FOLH1: variants seen among roughly 807,000 people sequenced by gnomAD.
FOLH1 encodes the protein glutamate carboxypeptidase 2.
In FOLH1, 54 loss-of-function variants were observed where a neutral mutation model predicts 93.9. The observed-to-expected ratio is 0.57, with a 90% CI of 0.46 to 0.72. The LOEUF (loss-of-function observed/expected upper bound fraction) is 0.72, where lower values mean the gene tolerates loss of function less well. Ranked by LOEUF, FOLH1 falls within the 30% of genes least tolerant of loss-of-function variation. FOLH1 has a pLI of 0.00. For missense variants in FOLH1, 571 were observed against 892.5 expected, an observed-to-expected ratio of 0.64 and a Z score of 4.59; for synonymous variants, 249 against 303.6, an observed-to-expected ratio of 0.82 and a Z score of 1.87.
chr11:49,155,193 A>G (rs983824264), intron 15 of FOLH1, among the ~76,000 whole-genome samples: 2 of 152,182 alleles, frequency 1.3e-5, no homozygotes, highest in Non-Finnish European at 2.9e-5. Flanking sequence ...GGATTCTGGA[A>G]TTACCCTGCC....
At chr11:49,160,162 G>C (rs1221764474) in intron 13 of FOLH1, among the ~76,000 whole-genome samples, 1 of 152,148 alleles carries the variant, frequency 6.6e-6, no homozygotes, top group East Asian at 1.9e-4. Flanking sequence ...TGTGGGGTCA[G>C]TGAGAATATT....
chr11:49,160,469 G>A (rs1409495818), intron 13 of FOLH1, among the ~76,000 whole-genome samples: 1 of 151,664 alleles, frequency 6.6e-6, no homozygotes, highest in African/African-American at 2.4e-5. Context: ...TTGAGACGGA[G>A]TCTCTCTCTG....
At chr11:49,158,730 C>T (rs1590446743) in intron 13 of FOLH1, among the ~76,000 whole-genome samples, 2 of 152,060 alleles carry the variant, frequency 1.3e-5, no homozygotes, top group Non-Finnish European at 1.5e-5. Flanking sequence ...GCAATATGGC[C>T]GTTTTAATGA....
intron 13 of FOLH1, among the ~76,000 whole-genome samples, chr11:49,159,917 T>C (rs1346281345): frequency 6.7e-6 from 1 of 150,352 alleles, no homozygotes; most frequent in Non-Finnish European, 1.5e-5. Context: ...TTTTTTTTTT[T>C]CTGTTTTTGT....
intron 11 of FOLH1, 39 bp downstream of exon 11, chr11:49,171,156 T>C: frequency 6.4e-7 from 1 of 1,551,220 alleles, no homozygotes; most frequent in Non-Finnish European, 8.7e-7. Flanking sequence ...GGCTACTTTA[T>C]TTTATAAAAA....
chr11:49,172,057 T>G (rs1378013094), intron 10 of FOLH1, among the ~76,000 whole-genome samples: 1 of 152,168 alleles, frequency 6.6e-6, no homozygotes, highest in Non-Finnish European at 1.5e-5. Context: ...CGAGTAGTCA[T>G]CATCTTAGTA....
At chr11:49,206,388 T>C in intron 1 of FOLH1, 1 of 865,336 alleles carries the variant, frequency 1.2e-6, no homozygotes, top group Non-Finnish European at 1.8e-6. Context: ...GCAAAATATT[T>C]CTTATCCAAC....
intron 3 of FOLH1, among the ~76,000 whole-genome samples, chr11:49,196,906 A>G (rs181801783): frequency 6.6e-6 from 1 of 152,290 alleles, no homozygotes; most frequent in East Asian, 1.9e-4. Flanking sequence ...TACAAATGGG[A>G]GGGATTTGGA....
rs552444325 is a variant in FOLH1, at chr11:49,155,176, G to C, written c.1624-684C>G. On this transcript the variant is annotated intron_variant, in intron 15 of 18. Coordinates refer to ENST00000256999, the MANE Select transcript of FOLH1 (RefSeq NM_004476.3). ...ACATTTTATGTACTGATGTGTTGAAGAGACTGGGATTCTGGAATTACCCTG... is the reference window on the plus strand; with the variant it reads ...ACATTTTATGTACTGATGTGTTGAACAGACTGGGATTCTGGAATTACCCTG... Among the ~76,000 whole-genome samples the C allele has an allele frequency of 3.3e-5, 5 of 152,250 alleles. No homozygotes were observed. In the East Asian group the frequency reaches 9.6e-4, roughly 29 times the overall value.
In FOLH1 at chr11:49,145,230, G is replaced by A. The variant is rs925264023; in HGVS notation, c.*1526C>T. On this transcript the variant is annotated 3_prime_UTR_variant, in exon 19 of 19. Coordinates refer to ENST00000256999, the MANE Select transcript of FOLH1 (RefSeq NM_004476.3). ...TTCTTCTTTGTCACGTGTTAATGAT[G>A]TTAAACTTTGTGAGTAGAAGGCATT... 2.0e-5 allele frequency among the ~76,000 whole-genome samples: 3 copies of A among 152,144 alleles called. No homozygotes were observed. Among genetic ancestry groups the A allele is most frequent in the African/African-American group, 4.8e-5 (2 of 41,434 alleles).
At chr11:49,154,109 C>T (rs913730128) in intron 16 of FOLH1, 119 bp downstream of exon 16, 5 of 1,452,170 alleles carry the variant, frequency 3.4e-6, no homozygotes, top group South Asian at 1.4e-5. Context: ...TAGACATAAA[C>T]AGAATATTGG....
At chr11:49,165,719 A>G (rs553720606) in intron 12 of FOLH1, among the ~76,000 whole-genome samples, 3 of 152,376 alleles carry the variant, frequency 2.0e-5, no homozygotes, top group East Asian at 1.9e-4. Context: ...ACTAGCTTTT[A>G]TCCCAAAGCC....
intron 4 of FOLH1, among the ~76,000 whole-genome samples, chr11:49,187,802 C>CA (rs1474769870): frequency 6.6e-6 from 1 of 152,234 alleles, no homozygotes; most frequent in Non-Finnish European, 1.5e-5. Context: ...CAGCTGTAGA[C>CA]AGCCCCCTTG....
rs546464791 is a variant in FOLH1, at chr11:49,154,552, C to A, written c.1624-60G>T. 12 of 1,556,958 alleles carry A rather than the reference C, an allele frequency of 7.7e-6. 1 individual carries two copies. The East Asian group carries it at 2.8e-4, about 36-fold the overall frequency. ...GATAGCTTACAAAAAATGATTAGCACCATATTTACTATTAGTATTAGTAAG... is the reference window on the plus strand; with the variant it reads ...GATAGCTTACAAAAAATGATTAGCAACATATTTACTATTAGTATTAGTAAG... On this transcript the variant is annotated intron_variant, in intron 15 of 18. Coordinates refer to ENST00000256999, the MANE Select transcript of FOLH1 (RefSeq NM_004476.3).
chr11:49,173,117 A>T (rs1159402000), intron 10 of FOLH1, among the ~76,000 whole-genome samples: 3 of 152,182 alleles, frequency 2.0e-5, no homozygotes, highest in Non-Finnish European at 2.9e-5. Flanking sequence ...ACAACCATTA[A>T]CAGTATAATT....
intron 18 of FOLH1, among the ~76,000 whole-genome samples, chr11:49,147,444 TG>T (rs1452831984): frequency 1.6e-4 from 5 of 31,124 alleles, no homozygotes; most frequent in Admixed American, 4.2e-4. Context: ...CCCTCTATTG[TG>T]GTTTTTTTTT....
intron 5 of FOLH1, among the ~76,000 whole-genome samples, chr11:49,186,371 T>G (rs1861381738): frequency 6.6e-6 from 1 of 152,154 alleles, no homozygotes; most frequent in Non-Finnish European, 1.5e-5. Context: ...ATAAACCCAG[T>G]GCATGCTTCT....
intron 7 of FOLH1, among the ~76,000 whole-genome samples, chr11:49,179,456 T>C (rs1460523189): frequency 3.3e-5 from 5 of 152,126 alleles, no homozygotes; most frequent in African/African-American, 1.2e-4. Flanking sequence ...AAAGTAAATT[T>C]AGGAAATTCA....
intron 4 of FOLH1, 62 bp from the exon 5 acceptor site, chr11:49,186,831 G>A: frequency 6.6e-7 from 1 of 1,511,468 alleles, no homozygotes; most frequent in East Asian, 2.4e-5. Flanking sequence ...TTTTCTGCAT[G>A]GGGACTGTTG....
Sources: gnomAD v4.1 joint callset for allele counts (sites outside exome capture counted in the v4.1 genomes callset) on GRCh38, gnomAD v4.1.1 for gene constraint, MANE v1.5 for transcripts, NCBI Gene and HGNC (gene_info 2026-07-23, HGNC 2026-07-21) for gene names.